The following AP1AR variants were observed in gnomAD, a reference collection of about 807,000 sequenced individuals.
AP1AR encodes AP-1 complex-associated regulatory protein.
A neutral mutation model predicts 46.3 loss-of-function variants in AP1AR; 29 were observed. The ratio of observed to expected loss-of-function variants is 0.63; its 90% CI spans 0.47 to 0.85. The LOEUF (loss-of-function observed/expected upper bound fraction) is 0.85. Ranked by LOEUF, AP1AR falls within the 40% of genes least tolerant of loss-of-function variation. The pLI, the probability that AP1AR is intolerant of heterozygous loss-of-function variation, is 0.00. For synonymous variants in AP1AR, 122 were observed against 122.9 expected, an observed-to-expected ratio of 0.99 and a Z score of 0.05; for missense variants, 357 against 356.3, an observed-to-expected ratio of 1.00 and a Z score of -0.02.
At chr4:112,254,659 T>C in intron 2 of AP1AR, 88 bp from the exon 3 acceptor site, 1 of 774,520 alleles carries the variant, frequency 1.3e-6, no homozygotes, top group South Asian at 1.9e-5. Context: ...GGTATATTAT[T>C]TTTAAGTGAA....
intron 1 of AP1AR, among the ~76,000 whole-genome samples, chr4:112,233,891 C>T (rs375185828): frequency 1.3e-5 from 2 of 152,300 alleles, no homozygotes; most frequent in South Asian, 2.1e-4. Flanking sequence ...GAGTCTCGCT[C>T]TGTCGCCCAG....
chr4:112,242,009 T>G (rs1041485612), intron 1 of AP1AR, among the ~76,000 whole-genome samples: 1 of 152,210 alleles, frequency 6.6e-6, no homozygotes, highest in Non-Finnish European at 1.5e-5. Flanking sequence ...AAAGACTTTC[T>G]TATTTTATTC....
chr4:112,265,892 C>CAGAAAG, intron 8 of AP1AR, 85 bp downstream of exon 8: 1 of 813,392 alleles, frequency 1.2e-6, no homozygotes, highest in Non-Finnish European at 1.9e-6. Context: ...TGTAGAAGAA[C>CAGAAAG]TTTCTGTTCT....
chr4:112,272,332 C>G lies in AP1AR; in HGVS notation c.*3923C>G, dbSNP rs138468015. Among the ~76,000 whole-genome samples, 11 of 152,262 alleles carry G rather than the reference C, an allele frequency of 7.2e-5. No homozygotes were observed. The highest frequency in any genetic ancestry group is 2.6e-4 in the African/African-American group (11 of 41,536). ...GACATCTTGAGCTCATGGGCAACAA[C>G]TTCCCAATAAGAATTTAAGATGGCA... is the stretch of plus-strand genomic sequence containing the variant. On this transcript the variant is annotated 3_prime_UTR_variant, in exon 10 of 10. Transcript: ENST00000274000.
chr4:112,240,838 C>T (rs557891342), intron 1 of AP1AR, among the ~76,000 whole-genome samples: 18 of 152,238 alleles, frequency 1.2e-4, no homozygotes, highest in African/African-American at 3.9e-4. Flanking sequence ...TATAGCTATG[C>T]GTGTTACTGT....
chr4:112,240,870 A>C (rs1725464826), intron 1 of AP1AR, among the ~76,000 whole-genome samples: 1 of 152,212 alleles, frequency 6.6e-6, no homozygotes, highest in Non-Finnish European at 1.5e-5. Context: ...ATGCCTGGCT[A>C]TGCCTGTCAC....
chr4:112,256,244 A>C (rs936704933), intron 3 of AP1AR, among the ~76,000 whole-genome samples: 1 of 152,212 alleles, frequency 6.6e-6, no homozygotes, highest in Non-Finnish European at 1.5e-5. Context: ...CACATTTTGG[A>C]AACTATTTTA....
rs1725014850 is a variant in AP1AR at position 112,231,881 on chromosome 4, T to C, written c.-211T>C. 1 of 403,336 alleles carries C rather than the reference T, an allele frequency of 2.5e-6. No homozygotes were observed. Among genetic ancestry groups the C allele is most frequent in the African/African-American group, 2.1e-5 (1 of 48,608 alleles). 25.0% of individuals were successfully genotyped at this position (403,336 alleles called of 1,614,324 possible). A position where few individuals can be genotyped will look rare whatever the true frequency, so the allele number is the denominator to read the frequency against. On this transcript the variant is annotated 5_prime_UTR_variant, in exon 1 of 10. Coordinates refer to ENST00000274000, the MANE Select transcript of AP1AR (RefSeq NM_018569.6). The stretch of plus-strand genomic sequence containing the variant: ...CCGGTGCTCCTCCCTCGCGCAGCGG[T>C]GGCTCTGCGGCCGCTGGAGTAAACA...
At chr4:112,265,386 A>G (rs897940538) in intron 7 of AP1AR, 5 of 351,240 alleles carry the variant, frequency 1.4e-5, no homozygotes, top group African/African-American at 8.6e-5. Flanking sequence ...TCTTTCTTAT[A>G]ATAAAGTTTA....
Position 112,268,650 on chromosome 4 carries a change from T to C in AP1AR, c.*241T>C, listed in dbSNP as rs1288086815. On this transcript the variant is annotated 3_prime_UTR_variant, in exon 10 of 10. Transcript: ENST00000274000. ...TTTAATGGTCCTGTCATGTTACTGA[T>C]TAAATTTACTTTGTCTTGTCTTTAT... 8.8e-6 allele frequency: 3 copies of C among 342,246 alleles called. No homozygotes were observed. Among genetic ancestry groups the C allele is most frequent in the Middle Eastern group, 7.6e-4 (1 of 1,314 alleles). 21.2% of individuals were successfully genotyped at this position (342,246 alleles called of 1,614,324 possible).
chr4:112,268,301 C>T lies in AP1AR; in HGVS notation c.801C>T (p.Ala267=), dbSNP rs746496184. ...AGTGGGAAAATGATTTTGTTAGTGC[C>T]GAAATGGATGATAATGGAAATTCCG... The part of the protein sequence containing the change: ...GLEWENDFVS[A]EMDDNGNSEY... Residue 267 remains alanine (A), a synonymous_variant, in exon 10 of 10, where the codon GCC becomes GCT. Transcript: ENST00000274000. 103 of 1,612,938 alleles carry T rather than the reference C, an allele frequency of 6.4e-5. 1 individual carries two copies. The South Asian group carries it at 1.0e-3, about 16-fold the overall frequency.
intron 8 of AP1AR, among the ~76,000 whole-genome samples, chr4:112,266,199 AT>A (rs1726697462): frequency 6.6e-6 from 1 of 151,814 alleles, no homozygotes; most frequent in Non-Finnish European, 1.5e-5. Context: ...AAAAACTCTT[AT>A]GCTTCCCAAT....
At chr4:112,263,463 G>A (rs890394734) in intron 6 of AP1AR, among the ~76,000 whole-genome samples, 3 of 150,350 alleles carry the variant, frequency 2.0e-5, no homozygotes, top group Non-Finnish European at 3.0e-5. Context: ...GTTTTGTGAG[G>A]GTTTTTTTTT....
At chr4:112,232,426 A>C (rs887522872) in intron 1 of AP1AR, among the ~76,000 whole-genome samples, 2 of 152,204 alleles carry the variant, frequency 1.3e-5, no homozygotes, top group African/African-American at 2.4e-5. Flanking sequence ...CACGCGGGGA[A>C]GGAGTCACGG....
At chr4:112,241,445 TTCATGGGCGGAAGACCAGTGTCTCAGC>T (rs1169135380) in intron 1 of AP1AR, among the ~76,000 whole-genome samples, 4 of 152,220 alleles carry the variant, frequency 2.6e-5, no homozygotes, top group Non-Finnish European at 5.9e-5. Flanking sequence ...TAAGTCTCAG[TTCATGGGCGGAAGACCAGTGTCTCAGC>T]TCAAGCAGTC....
Position 112,260,882 on chromosome 4 carries a change from G to T in AP1AR, c.282+20G>T, listed in dbSNP as rs1486713033. On this transcript the variant is annotated intron_variant, in intron 5 of 9. Coordinates refer to ENST00000274000, the MANE Select transcript of AP1AR (RefSeq NM_018569.6). ...AAAGAGGTAAATTGTCTTTTATATT[G>T]CTTAAGTACATGTTATCATAAAGAG... 7.1e-7 allele frequency: 1 copy of T among 1,411,548 alleles called. No individual in the cohort carries two copies. The highest frequency in any genetic ancestry group is 1.9e-5 in the Admixed American group (1 of 52,770). The allele number at this position is 1,411,548 out of a possible 1,614,324, so 87.4% of individuals were successfully genotyped here. A position where few individuals can be genotyped will look rare whatever the true frequency, so the allele number is the denominator to read the frequency against.
chr4:112,260,985 A>T, intron 5 of AP1AR, 123 bp downstream of exon 5: 1 of 512,814 alleles, frequency 2.0e-6, no homozygotes. Flanking sequence ...CTGTTTTAAG[A>T]GTTAAAAAAA....
At chr4:112,257,331 A>T (rs1366241894) in intron 3 of AP1AR, among the ~76,000 whole-genome samples, 1 of 152,200 alleles carries the variant, frequency 6.6e-6, no homozygotes, top group Non-Finnish European at 1.5e-5. Context: ...AATGACCAAG[A>T]GAGCTCAAAT....
rs1726964900 is a variant in AP1AR, at chr4:112,271,803, G to C, written c.*3394G>C. ...TCTGCAGCCCAAGAAAGAGGTCTAG[G>C]TTCAAGTTTGGGAGTCATTAGTAGG... is the stretch of plus-strand genomic sequence containing the variant. On this transcript the variant is annotated 3_prime_UTR_variant, in exon 10 of 10. Transcript: ENST00000274000. Among the ~76,000 whole-genome samples the C allele has an allele frequency of 6.6e-6, 1 of 152,166 alleles. No homozygotes were observed. The highest frequency in any genetic ancestry group is 6.5e-5 in the Admixed American group (1 of 15,270).
Sources: gnomAD v4.1 joint callset for allele counts (sites outside exome capture counted in the v4.1 genomes callset) on GRCh38, gnomAD v4.1.1 for gene constraint, MANE v1.5 for transcripts, NCBI Gene and HGNC (gene_info 2026-07-23, HGNC 2026-07-21) for gene names.